The following EYS variants were observed in gnomAD, a reference collection of about 807,000 sequenced individuals.
EYS encodes the protein EGF-like photoreceptor maintenance factor.
EYS carries 250 observed loss-of-function variants against 282.1 expected under a neutral mutation model. That is an observed-to-expected ratio of 0.89 (90% CI 0.80 to 0.98). The LOEUF is 0.98. EYS is among the 50% of genes least tolerant of loss of function. The pLI, the probability that EYS is intolerant of heterozygous loss-of-function variation, is 0.00. For synonymous variants in EYS, 1,355 were observed against 1,282.9 expected, an observed-to-expected ratio of 1.06 and a Z score of -1.20; for missense variants, 4,016 against 3,709.0, an observed-to-expected ratio of 1.08 and a Z score of -2.15.
intron 12 of EYS, among the ~76,000 whole-genome samples, chr6:65,294,543 C>G (rs1768610011): frequency 6.6e-6 from 1 of 151,456 alleles, no homozygotes; most frequent in Non-Finnish European, 1.5e-5. Flanking sequence ...AGTTTATACA[C>G]AATATATATT....
At chr6:64,320,383 C>T (rs1230150047) in intron 29 of EYS, among the ~76,000 whole-genome samples, 1 of 151,718 alleles carries the variant, frequency 6.6e-6, no homozygotes, top group Admixed American at 6.6e-5. Flanking sequence ...TTTTTCCCCA[C>T]CATTTTATAT....
chr6:65,471,422 T>C (rs1765214542), intron 5 of EYS, among the ~76,000 whole-genome samples: 1 of 151,860 alleles, frequency 6.6e-6, no homozygotes, highest in South Asian at 2.1e-4. Flanking sequence ...AAAAGGAGTT[T>C]ATAAAATCAA....
chr6:64,311,410 A>G (rs943073732), intron 29 of EYS, among the ~76,000 whole-genome samples: 2 of 152,222 alleles, frequency 1.3e-5, no homozygotes, highest in African/African-American at 4.8e-5. Flanking sequence ...AATTGTAGTC[A>G]CGTGCTGCTG....
At chr6:64,958,734 C>CAAAAAAAAAAAAA (rs1167094477) in intron 14 of EYS, among the ~76,000 whole-genome samples, 6 of 51,678 alleles carry the variant, frequency 1.2e-4, no homozygotes, top group Non-Finnish European at 1.3e-4. Context: ...GACTCCGTCT[C>CAAAAAAAAAAAAA]AAAAAAAAAA....
intron 32 of EYS, among the ~76,000 whole-genome samples, chr6:64,071,526 TAAATA>T (rs1325929367): frequency 6.6e-6 from 1 of 150,736 alleles, no homozygotes; most frequent in African/African-American, 2.5e-5. Flanking sequence ...AATTAATAAG[TAAATA>T]AAATCTTTGA....
At position 64,022,013 on chromosome 6, in the gene EYS, T is replaced by C. The variant is rs1769215334; in HGVS notation, c.6726-22830A>G. ...CAAGTTTTCTATTTTATGTAACCATTCCCCTCTCTATGGATATTTAGATTA... is the reference window on the plus strand; with the variant it reads ...CAAGTTTTCTATTTTATGTAACCATCCCCCTCTCTATGGATATTTAGATTA... On this transcript the variant is annotated intron_variant, in intron 33 of 42. Transcript: ENST00000503581. Among the ~76,000 whole-genome samples the C allele has an allele frequency of 2.0e-5, 3 of 152,190 alleles. No individual in the cohort carries two copies. The South Asian group carries it at 6.2e-4, about 32-fold the overall frequency.
At chr6:64,630,651 C>G (rs1767749193) in intron 22 of EYS, among the ~76,000 whole-genome samples, 1 of 152,168 alleles carries the variant, frequency 6.6e-6, no homozygotes, top group Non-Finnish European at 1.5e-5. Flanking sequence ...ACTCCACTTG[C>G]TAATTTCAGA....
At chr6:65,624,317 G>A (rs1766620934) in intron 2 of EYS, among the ~76,000 whole-genome samples, 1 of 152,120 alleles carries the variant, frequency 6.6e-6, no homozygotes, top group African/African-American at 2.4e-5. Flanking sequence ...CCTTGATATT[G>A]CACCTATGAA....
At chr6:63,884,545 C>T (rs539456012) in intron 35 of EYS, among the ~76,000 whole-genome samples, 1 of 152,102 alleles carries the variant, frequency 6.6e-6, no homozygotes, top group Non-Finnish European at 1.5e-5. Flanking sequence ...GTGTGCTTTA[C>T]TGTATGTATG....
At chr6:65,313,265 C>T (rs1277344178) in intron 11 of EYS, among the ~76,000 whole-genome samples, 5 of 151,836 alleles carry the variant, frequency 3.3e-5, no homozygotes, top group Admixed American at 2.0e-4. Context: ...TGTCATGGCT[C>T]TAAAAACCAT....
intron 11 of EYS, among the ~76,000 whole-genome samples, chr6:65,317,944 C>T (rs529712062): frequency 7.4e-5 from 11 of 149,482 alleles, no homozygotes; most frequent in East Asian, 2.0e-4. Context: ...CTCGGCTCAC[C>T]GCAACCTCCT....
intron 22 of EYS, among the ~76,000 whole-genome samples, chr6:64,698,289 A>C (rs1178383121): frequency 6.6e-6 from 1 of 152,182 alleles, no homozygotes; most frequent in Non-Finnish European, 1.5e-5. Flanking sequence ...AATAGGAACA[A>C]ATAAAATCCA....
At chr6:64,870,911 A>G (rs1223129797) in intron 19 of EYS, among the ~76,000 whole-genome samples, 1 of 151,866 alleles carries the variant, frequency 6.6e-6, no homozygotes, top group Non-Finnish European at 1.5e-5. Flanking sequence ...ATAAAGTTTG[A>G]AGAAAAGTGA....
At chr6:65,347,569 T>G (rs1282485027) in intron 9 of EYS, among the ~76,000 whole-genome samples, 2 of 151,598 alleles carry the variant, frequency 1.3e-5, no homozygotes, top group African/African-American at 4.8e-5. Flanking sequence ...CATTTTTTTT[T>G]TTTGTTTTTC....
chr6:64,527,342 A>G (rs1371812778), intron 26 of EYS, among the ~76,000 whole-genome samples: 3 of 151,844 alleles, frequency 2.0e-5, no homozygotes, highest in Non-Finnish European at 4.4e-5. Flanking sequence ...GCCAGGCCTA[A>G]GGGCCTTCTT....
intron 14 of EYS, among the ~76,000 whole-genome samples, chr6:64,978,002 CAAGT>C (rs1770529523): frequency 1.3e-5 from 2 of 151,886 alleles, no homozygotes; most frequent in Non-Finnish European, 2.9e-5. Context: ...ATAGAAGCAG[CAAGT>C]GACTGTAGAA....
chr6:65,144,668 T>C (rs1201919925), intron 12 of EYS, among the ~76,000 whole-genome samples: 2 of 152,122 alleles, frequency 1.3e-5, no homozygotes, highest in Non-Finnish European at 2.9e-5. Context: ...TTGAACAGTA[T>C]ATGTTCCATA....
intron 1 of EYS, among the ~76,000 whole-genome samples, chr6:65,644,017 T>G (rs550672812): frequency 8.5e-5 from 13 of 152,150 alleles, no homozygotes; most frequent in African/African-American, 2.9e-4. Flanking sequence ...ACAAGGTTTT[T>G]TAACACCCTT....
intron 19 of EYS, among the ~76,000 whole-genome samples, chr6:64,838,822 T>C (rs1765471327): frequency 6.6e-6 from 1 of 151,964 alleles, no homozygotes; most frequent in South Asian, 2.1e-4. Flanking sequence ...ACTTACAACA[T>C]TTTTGTTTAA....
Sources: gnomAD v4.1 joint callset for allele counts (sites outside exome capture counted in the v4.1 genomes callset) on GRCh38, gnomAD v4.1.1 for gene constraint, MANE v1.5 for transcripts, NCBI Gene and HGNC (gene_info 2026-07-23, HGNC 2026-07-21) for gene names.